Variants in PRMT8 observed in about 807,000 individuals in gnomAD.
PRMT8 encodes the protein protein arginine methyltransferase 8.
PRMT8 carries 7 observed loss-of-function variants against 47.1 expected under a neutral mutation model. That is an observed-to-expected ratio of 0.15 (90% CI 0.08 to 0.28). The LOEUF (loss-of-function observed/expected upper bound fraction) is 0.28. PRMT8 is among the 10% of genes least tolerant of loss of function. PRMT8 has a pLI of 1.00. For synonymous variants in PRMT8, 188 were observed against 186.5 expected, an observed-to-expected ratio of 1.01 and a Z score of -0.07; for missense variants, 237 against 505.4, an observed-to-expected ratio of 0.47 and a Z score of 5.09.
Position 3,436,315 on chromosome 12 carries a change from A to G in PRMT8, c.48+54873A>G, listed in dbSNP as rs117365696. 2.0e-3 allele frequency among the ~76,000 whole-genome samples: 310 copies of G among 152,224 alleles called. 1 individual carries two copies. Among genetic ancestry groups the G allele is most frequent in the Non-Finnish European group, 2.6e-3 (180 of 68,018 alleles). On this transcript the variant is annotated intron_variant, in intron 1 of 9. Coordinates refer to the PRMT8 transcript ENST00000452611. This position sits in a 1 kb window ranked among gnomAD's most constrained non-coding sequence, Gnocchi z 4.2. ...ACTCACTTGCTTTTCAAACCTCTTA[A>G]TACAGTTACCACAGACACAGTGAGT...
intron 1 of PRMT8, among the ~76,000 whole-genome samples, chr12:3,397,906 T>C (rs1456648289): frequency 6.6e-6 from 1 of 152,074 alleles, no homozygotes; most frequent in East Asian, 1.9e-4. Flanking sequence ...TGGGATGTAA[T>C]CTCCTGGTGT....
intron 1 of PRMT8, among the ~76,000 whole-genome samples, chr12:3,398,914 G>A (rs900511351): frequency 6.6e-6 from 1 of 152,172 alleles, no homozygotes; most frequent in African/African-American, 2.4e-5. Flanking sequence ...CTCATGGTGT[G>A]GGGGAATGGC....
chr12:3,399,155 G>C (rs1393198510), intron 1 of PRMT8, among the ~76,000 whole-genome samples: 1 of 152,178 alleles, frequency 6.6e-6, no homozygotes, highest in Admixed American at 6.5e-5. Context: ...TGTGGAGCAG[G>C]CCTGAGCACT....
At position 3,576,910 on chromosome 12, in the gene PRMT8, G is replaced by A; in HGVS notation, c.752G>A (p.Arg251Gln). 6.2e-7 allele frequency: 1 copy of A among 1,614,108 alleles called. No homozygotes were observed. The highest frequency in any genetic ancestry group is 1.1e-5 in the South Asian group (1 of 91,070). ...TATGGCTTTGACATGACCTGCATCC[G>A]GGACGTGGCCATGAAGGAGCCTCTA... ...NVYGFDMTCI[R>Q]DVAMKEPLVD... Residue 251 changes from arginine (R) to glutamine (Q), a missense_variant, in exon 7 of 10, where the codon CGG becomes CAG. Physicochemically the swap from Arg to Gln is conservative, Grantham distance 43. Around this residue, in one of 5 missense-constraint regions of PRMT8, gnomAD observed 151 missense variants for 341.1 expected, o/e 0.44. Coordinates refer to ENST00000382622, the MANE Select transcript of PRMT8 (RefSeq NM_019854.5). The surrounding 1 kb of genome is among the most constrained non-coding windows in gnomAD (Gnocchi z 4.0).
At chr12:3,562,213 A>G (rs1866649041) in intron 4 of PRMT8, among the ~76,000 whole-genome samples, 1 of 152,144 alleles carries the variant, frequency 6.6e-6, no homozygotes, top group Admixed American at 6.5e-5. Flanking sequence ...AAATGAGACC[A>G]ATCATATGTA....
In PRMT8 at chr12:3,456,461, A is replaced by G. The variant is rs573118591; in HGVS notation, c.48+75019A>G. On this transcript the variant is annotated intron_variant, in intron 1 of 9. Coordinates refer to the PRMT8 transcript ENST00000452611. The surrounding 1 kb of genome is among the most constrained non-coding windows in gnomAD (Gnocchi z 4.2). ...AACTCCCAGAAACTCTGAAGCCACA[A>G]GCAAAACTCCTCTCCCAGGTGGGAG... 9.7e-4 allele frequency among the ~76,000 whole-genome samples: 147 copies of G among 152,292 alleles called. No homozygotes were observed. Among genetic ancestry groups the G allele is most frequent in the African/African-American group, 3.4e-3 (140 of 41,550 alleles).
intron 1 of PRMT8, among the ~76,000 whole-genome samples, chr12:3,401,304 T>C (rs903031581): frequency 6.6e-6 from 1 of 151,916 alleles, no homozygotes; most frequent in Non-Finnish European, 1.5e-5. Flanking sequence ...CTCAATAAAC[T>C]AGGTATTGAG....
chr12:3,405,663 A>T (rs181683934), intron 1 of PRMT8, among the ~76,000 whole-genome samples: 58 of 152,346 alleles, frequency 3.8e-4, no homozygotes, highest in African/African-American at 1.3e-3. Flanking sequence ...TCCAAAATCC[A>T]GTAGGGCAGT....
At chr12:3,411,787 G>A (rs1864433623) in intron 1 of PRMT8, among the ~76,000 whole-genome samples, 1 of 152,242 alleles carries the variant, frequency 6.6e-6, no homozygotes, top group Non-Finnish European at 1.5e-5. Flanking sequence ...CTCTCACCAT[G>A]CTGTGATGCA....
At position 3,508,413 on chromosome 12, in the gene PRMT8, C is replaced by T. The variant is rs1323550232; in HGVS notation, c.75+16713C>T. On this transcript the variant is annotated intron_variant, in intron 1 of 9. Transcript: ENST00000382622. The surrounding 1 kb of genome is among the most constrained non-coding windows in gnomAD (Gnocchi z 4.9). ...GAGACATGAGGTACAAGTTTAATTA[C>T]CGGCCTGGAGCTTCTGAGCTACACA... is the stretch of plus-strand genomic sequence containing the variant. Among the ~76,000 whole-genome samples the T allele has an allele frequency of 1.3e-5, 2 of 152,136 alleles. No homozygotes were observed. The highest frequency in any genetic ancestry group is 2.9e-5 in the Non-Finnish European group (2 of 68,028).
intron 2 of PRMT8, among the ~76,000 whole-genome samples, chr12:3,546,480 A>G (rs1255049123): frequency 6.6e-6 from 1 of 152,214 alleles, no homozygotes; most frequent in Non-Finnish European, 1.5e-5. Flanking sequence ...TTAAAATAAC[A>G]TAAATGGAGG....
At chr12:3,447,243 G>A (rs1301676181) in intron 1 of PRMT8, among the ~76,000 whole-genome samples, 6 of 152,324 alleles carry the variant, frequency 3.9e-5, no homozygotes, top group South Asian at 2.1e-4. Context: ...TCTGTGCACC[G>A]AAGTTATGAA....
intron 1 of PRMT8, among the ~76,000 whole-genome samples, chr12:3,484,493 G>A (rs766813686): frequency 9.9e-5 from 15 of 152,114 alleles, no homozygotes; most frequent in Admixed American, 1.3e-4. Flanking sequence ...GGTTAAATAC[G>A]GTCTTTTAGG....
intron 1 of PRMT8, chr12:3,463,713 CT>C (rs1307714945): frequency 5.9e-5 from 9 of 152,254 alleles, no homozygotes; most frequent in African/African-American, 2.2e-4. Context: ...CCTGCCTCAG[CT>C]TCTCCAAGCA....
chr12:3,430,380 T>C (rs1020506802), intron 1 of PRMT8, among the ~76,000 whole-genome samples: 7 of 152,218 alleles, frequency 4.6e-5, no homozygotes, highest in African/African-American at 1.7e-4. Context: ...ACTTCTTCTT[T>C]CTTTGGAAGC....
At position 3,409,395 on chromosome 12, in the gene PRMT8, T is replaced by C. The variant is rs749106637; in HGVS notation, c.48+27953T>C. ...AGGCCCTGGGGAATAAGGCACCACG[T>C]AGTGGTGTCTCTAGACCTTGGGATG... On this transcript the variant is annotated intron_variant, in intron 1 of 9. Coordinates refer to the PRMT8 transcript ENST00000452611. This position sits in a 1 kb window ranked among gnomAD's most constrained non-coding sequence, Gnocchi z 4.4. Among the ~76,000 whole-genome samples, 16 of 152,102 alleles carry C rather than the reference T, an allele frequency of 1.1e-4. No homozygotes were observed. Among genetic ancestry groups the C allele is most frequent in the Non-Finnish European group, 2.2e-4 (15 of 68,008 alleles).
Position 3,593,246 on chromosome 12 carries a change from C to T in PRMT8, c.*64C>T, listed in dbSNP as rs1429628588. On this transcript the variant is annotated 3_prime_UTR_variant, in exon 10 of 10. Transcript: ENST00000382622. This position sits in a 1 kb window ranked among gnomAD's most constrained non-coding sequence, Gnocchi z 4.8. ...CTCTCACCTCGATCTGCCGTGCCGT[C>T]CCAAAGAATACCGTTTGCAGGACTA... 3 of 1,372,194 alleles carry T rather than the reference C, an allele frequency of 2.2e-6. No individual in the cohort carries two copies. The highest frequency in any genetic ancestry group is 4.6e-5 in the East Asian group (2 of 43,030). 85.0% of individuals were successfully genotyped at this position (1,372,194 alleles called of 1,614,324 possible).
intron 8 of PRMT8, among the ~76,000 whole-genome samples, chr12:3,590,019 G>A (rs1465326077): frequency 6.6e-6 from 1 of 152,240 alleles, no homozygotes; most frequent in Non-Finnish European, 1.5e-5. Context: ...CTATTTAGAG[G>A]TAGCTGGGAG....
In PRMT8 at chr12:3,535,703, G is replaced by A. The variant is rs1424327362; in HGVS notation, c.76-4903G>A. ...CACAGGAACCCTGGAAGGGACTGGGGGCACTGGAATGTCCAGTGGGGAGGG... is the reference window on the plus strand; with the variant it reads ...CACAGGAACCCTGGAAGGGACTGGGAGCACTGGAATGTCCAGTGGGGAGGG... On this transcript the variant is annotated intron_variant, in intron 1 of 9. Coordinates refer to ENST00000382622, the MANE Select transcript of PRMT8 (RefSeq NM_019854.5). The surrounding 1 kb of genome is among the most constrained non-coding windows in gnomAD (Gnocchi z 4.7). 6.6e-6 allele frequency among the ~76,000 whole-genome samples: 1 copy of A among 152,188 alleles called. No homozygotes were observed. Among genetic ancestry groups the A allele is most frequent in the African/African-American group, 2.4e-5 (1 of 41,446 alleles).
Sources: allele counts gnomAD v4.1 joint callset (sites outside exome capture counted in the v4.1 genomes callset), GRCh38; gene constraint gnomAD v4.1.1; regional missense constraint gnomAD v4.1.1; non-coding constraint Gnocchi (gnomAD v3.1); transcripts MANE v1.5; gene names NCBI Gene and HGNC (gene_info 2026-07-23, HGNC 2026-07-21).